ZNF704: variants seen among roughly 807,000 people sequenced by gnomAD.
ZNF704 encodes zinc finger protein 704.
ZNF704 carries 10 observed loss-of-function variants against 44.7 expected under a neutral mutation model. The observed-to-expected ratio is 0.22, with a 90% CI of 0.14 to 0.38. The LOEUF (loss-of-function observed/expected upper bound fraction) is 0.38, where lower values mean the gene tolerates loss of function less well. Ranked by LOEUF, ZNF704 falls within the 10% of genes least tolerant of loss-of-function variation. The probability of loss-of-function intolerance (pLI) is 1.00; values close to 1 mark genes in which losing one functional copy is unlikely to be tolerated. For synonymous variants in ZNF704, 211 were observed against 207.6 expected (o/e 1.02, Z -0.14); for missense variants, 390 against 545.5 (o/e 0.71, Z 2.84).
chr8:80,861,891 T>C (rs1809067502), intron 1 of ZNF704, among the ~76,000 whole-genome samples: 1 of 151,542 alleles, frequency 6.6e-6, no homozygotes, highest in African/African-American at 2.4e-5. Context: ...AATCTTCTCC[T>C]TCTCCATACA....
chr8:80,762,455 G>A (rs1028320544), intron 2 of ZNF704, among the ~76,000 whole-genome samples: 1 of 152,124 alleles, frequency 6.6e-6, no homozygotes, highest in East Asian at 1.9e-4. Flanking sequence ...GCAAGCAGAG[G>A]AAATGCCAGA....
chr8:80,834,646 T>A (rs181595118), intron 1 of ZNF704, among the ~76,000 whole-genome samples: 2 of 152,292 alleles, frequency 1.3e-5, no homozygotes, highest in Non-Finnish European at 2.9e-5. Context: ...AAGCCCTGCA[T>A]GTATTAGGTA....
intron 1 of ZNF704, among the ~76,000 whole-genome samples, chr8:80,822,457 T>G (rs1458962560): frequency 1.3e-5 from 2 of 152,232 alleles, no homozygotes; most frequent in African/African-American, 4.8e-5. Flanking sequence ...GATGGGACAT[T>G]TGGGTTGGTT....
intron 1 of ZNF704, among the ~76,000 whole-genome samples, chr8:80,841,594 T>C (rs976444706): frequency 3.9e-5 from 6 of 152,204 alleles, no homozygotes; most frequent in African/African-American, 9.6e-5. Flanking sequence ...GTAACTTTAA[T>C]ATGTCATATA....
At chr8:80,709,260 C>T (rs766427278) in intron 2 of ZNF704, among the ~76,000 whole-genome samples, 50 of 151,576 alleles carry the variant, frequency 3.3e-4, no homozygotes, top group African/African-American at 3.4e-4. Context: ...CTGGCTAACA[C>T]GGTGAAACCC....
chr8:80,633,949 G>A lies in ZNF704; in HGVS notation c.*7417C>T, dbSNP rs1817626727. ...GAAAAACCTCCTTTTGAGGTTAGTG[G>A]ACACTCTGAAATAGCCTAAATGCCT... On this transcript the variant is annotated 3_prime_UTR_variant, in exon 9 of 9. Coordinates refer to ENST00000327835, the MANE Select transcript of ZNF704 (RefSeq NM_001033723.3). 1 of 152,206 alleles carries A rather than the reference G, an allele frequency of 6.6e-6. No individual in the cohort carries two copies. Among genetic ancestry groups the A allele is most frequent in the Non-Finnish European group, 1.5e-5 (1 of 68,046 alleles). 9.4% of individuals were successfully genotyped at this position (152,206 alleles called of 1,614,324 possible). A position where few individuals can be genotyped will look rare whatever the true frequency, so the allele number is the denominator to read the frequency against.
At chr8:80,677,256 G>C (rs1818383294) in intron 4 of ZNF704, among the ~76,000 whole-genome samples, 1 of 152,142 alleles carries the variant, frequency 6.6e-6, no homozygotes, top group Non-Finnish European at 1.5e-5. Context: ...AATCACAGTG[G>C]TATTTTTGTG....
intron 1 of ZNF704, among the ~76,000 whole-genome samples, chr8:80,847,938 T>C (rs888120623): frequency 1.3e-5 from 2 of 152,236 alleles, no homozygotes; most frequent in African/African-American, 4.8e-5. Context: ...TAGGTGTTTA[T>C]CCAAGAGAAA....
intron 6 of ZNF704, among the ~76,000 whole-genome samples, chr8:80,663,599 T>C (rs1818136341): frequency 6.6e-6 from 1 of 152,104 alleles, no homozygotes; most frequent in African/African-American, 2.4e-5. Context: ...GCTGGCACTG[T>C]TGATTTGGGG....
At chr8:80,775,076 C>T (rs1259922034) in intron 2 of ZNF704, among the ~76,000 whole-genome samples, 3 of 152,084 alleles carry the variant, frequency 2.0e-5, no homozygotes, top group Non-Finnish European at 2.9e-5. Flanking sequence ...TATGTCTACT[C>T]GAGCTTCCAA....
At chr8:80,864,931 G>A (rs1165755038) in intron 1 of ZNF704, among the ~76,000 whole-genome samples, 1 of 152,166 alleles carries the variant, frequency 6.6e-6, no homozygotes, top group East Asian at 1.9e-4. Flanking sequence ...TGAACAAACT[G>A]ATGAACATAA....
At chr8:80,756,481 T>C (rs965155939) in intron 2 of ZNF704, among the ~76,000 whole-genome samples, 1 of 152,208 alleles carries the variant, frequency 6.6e-6, no homozygotes, top group Non-Finnish European at 1.5e-5. Flanking sequence ...ACTGTGTTTA[T>C]GTGTTTGAAA....
At chr8:80,770,417 T>C (rs1193396608) in intron 2 of ZNF704, among the ~76,000 whole-genome samples, 1 of 152,206 alleles carries the variant, frequency 6.6e-6, no homozygotes, top group Middle Eastern at 3.2e-3. Context: ...CATTGTGGTT[T>C]TAATTTGTAT....
Position 80,659,649 on chromosome 8 carries a change from G to C in ZNF704, c.968C>G (p.Thr323Ser). 2 of 1,614,012 alleles carry C rather than the reference G, an allele frequency of 1.2e-6. No homozygotes were observed. The highest frequency in any genetic ancestry group is 1.7e-6 in the Non-Finnish European group (2 of 1,179,944). The part of the protein sequence containing the change: ...PVTIPGSAKF[T>S]PNGSSFSISW... ...AATGCTGAAGCTGCTGCCATTGGGGGTGAACTTGGCCGATCCTGGAATGGT... is the reference window on the plus strand; with the variant it reads ...AATGCTGAAGCTGCTGCCATTGGGGCTGAACTTGGCCGATCCTGGAATGGT... The change falls in exon 7 of 9, where the codon ACC becomes AGC. Residue 323 changes from threonine (T) to serine (S), a missense_variant. By Grantham distance (58) the Thr-to-Ser change is moderately conservative (BLOSUM62 1). Around this residue, in one of 3 missense-constraint regions of ZNF704, gnomAD observed 305 missense variants for 435.7 expected, o/e 0.70. Coordinates refer to ENST00000327835, the MANE Select transcript of ZNF704 (RefSeq NM_001033723.3).
intron 1 of ZNF704, among the ~76,000 whole-genome samples, chr8:80,855,870 C>T (rs930389226): frequency 1.4e-4 from 21 of 152,202 alleles, no homozygotes; most frequent in African/African-American, 5.1e-4. Flanking sequence ...TTCACTTGGT[C>T]TCTGAAAATA....
At chr8:80,751,915 AT>A (rs1012340031) in intron 2 of ZNF704, among the ~76,000 whole-genome samples, 1 of 151,714 alleles carries the variant, frequency 6.6e-6, no homozygotes, top group Non-Finnish European at 1.5e-5. Flanking sequence ...TAATTTGTGT[AT>A]TTTTTTTAGT....
intron 2 of ZNF704, among the ~76,000 whole-genome samples, chr8:80,716,534 C>T (rs927608696): frequency 2.0e-5 from 3 of 152,224 alleles, no homozygotes; most frequent in African/African-American, 7.2e-5. Context: ...TTTACCATTC[C>T]TAAACATTAT....
At chr8:80,826,470 T>G (rs1247541390) in intron 1 of ZNF704, among the ~76,000 whole-genome samples, 26 of 152,044 alleles carry the variant, frequency 1.7e-4, no homozygotes, top group Non-Finnish European at 3.8e-4. Context: ...AACAGACGGA[T>G]TCACAGGCGA....
At chr8:80,870,223 G>C (rs1372680770) in intron 1 of ZNF704, among the ~76,000 whole-genome samples, 1 of 152,134 alleles carries the variant, frequency 6.6e-6, no homozygotes, top group Non-Finnish European at 1.5e-5. Context: ...CACTACAATA[G>C]AAAACTAATA....
Sources: gnomAD v4.1 joint callset for allele counts (sites outside exome capture counted in the v4.1 genomes callset) on GRCh38, gnomAD v4.1.1 for gene constraint, gnomAD v4.1.1 regional missense constraint, MANE v1.5 for transcripts, NCBI Gene and HGNC (gene_info 2026-07-23, HGNC 2026-07-21) for gene names.